The following PTPN13 variants were observed in gnomAD, a reference collection of about 807,000 sequenced individuals.
The protein encoded by PTPN13 is protein tyrosine phosphatase non-receptor type 13, also known as tyrosine-protein phosphatase non-receptor type 13.
PTPN13 carries 191 observed loss-of-function variants against 284.0 expected under a neutral mutation model. The observed-to-expected ratio is 0.67, with a 90% CI of 0.60 to 0.76. PTPN13 has a LOEUF of 0.76. PTPN13 is among the 30% of genes least tolerant of loss of function. PTPN13 has a pLI of 0.00. For synonymous variants in PTPN13, 986 were observed against 1,022.3 expected (o/e 0.96, Z 0.68); for missense variants, 2,797 against 2,939.9 (o/e 0.95, Z 1.12).
rs1319716649 is a variant in PTPN13, at chr4:86,713,347, G to C, written c.1196-3183G>C. Among the ~76,000 whole-genome samples, 4 of 152,144 alleles carry C rather than the reference G, an allele frequency of 2.6e-5. No individual in the cohort carries two copies. In the East Asian group the frequency reaches 5.8e-4, roughly 22 times the overall value. On this transcript the variant is annotated intron_variant, in intron 7 of 47. Coordinates refer to ENST00000411767, the MANE Select transcript of PTPN13 (RefSeq NM_080683.3). Reference sequence around the variant, plus strand: ...ACTTTGGTGTTCCTTGAAAATGGCAGTTCCTCTTAAGTAAAAATATAACTT... The same window carrying C: ...ACTTTGGTGTTCCTTGAAAATGGCACTTCCTCTTAAGTAAAAATATAACTT...
intron 40 of PTPN13, among the ~76,000 whole-genome samples, chr4:86,788,563 T>C (rs1227436108): frequency 6.6e-6 from 1 of 152,246 alleles, no homozygotes; most frequent in Non-Finnish European, 1.5e-5. Context: ...ACATTCATTG[T>C]ATTTCTTATT....
intron 23 of PTPN13, among the ~76,000 whole-genome samples, chr4:86,760,951 T>C (rs527238346): frequency 3.8e-4 from 58 of 151,794 alleles, no homozygotes; most frequent in Non-Finnish European, 7.4e-4. Context: ...GGCTTTTAGT[T>C]TTGTTTTTGT....
At chr4:86,703,480 A>G (rs1302004427) in intron 7 of PTPN13, among the ~76,000 whole-genome samples, 4 of 151,926 alleles carry the variant, frequency 2.6e-5, no homozygotes, top group Non-Finnish European at 5.9e-5. Flanking sequence ...TAAAACCATT[A>G]TAGTTTTGAA....
At chr4:86,757,762 C>CAAAATAAAAAAAAAAAAAA (rs1738142640) in intron 20 of PTPN13, among the ~76,000 whole-genome samples, 1 of 112,520 alleles carries the variant, frequency 8.9e-6, no homozygotes, top group African/African-American at 3.5e-5. Context: ...GACTCTGTCT[C>CAAAATAAAAAAAAAAAAAA]AAAAAAAAAA....
chr4:86,626,635 C>CT lies in PTPN13; in HGVS notation c.-5-8616dup, dbSNP rs540569143. Among the ~76,000 whole-genome samples the CT allele has an allele frequency of 1.0e-3, 157 of 152,186 alleles. 1 individual carries two copies. The highest frequency in any genetic ancestry group is 3.7e-3 in the African/African-American group (154 of 41,528). On this transcript the variant is annotated intron_variant, in intron 1 of 47. Coordinates refer to ENST00000411767, the MANE Select transcript of PTPN13 (RefSeq NM_080683.3). The stretch of plus-strand genomic sequence containing the variant: ...TTTTATTAGTGAGAGTGCAAAGATG[C>CT]TGGAACTCTTTGCATTGTTGGTGGG...
At chr4:86,717,909 A>G (rs1204630435) in intron 9 of PTPN13, among the ~76,000 whole-genome samples, 4 of 151,064 alleles carry the variant, frequency 2.6e-5, no homozygotes, top group African/African-American at 9.9e-5. Flanking sequence ...GTTATGTGGT[A>G]CTTTTTTTTA....
chr4:86,622,613 AT>A (rs1052506680), intron 1 of PTPN13, among the ~76,000 whole-genome samples: 67 of 152,306 alleles, frequency 4.4e-4, no homozygotes, highest in African/African-American at 1.5e-3. Context: ...ATTTCAACAA[AT>A]GCTATTTAAA....
At chr4:86,717,266 G>T in intron 9 of PTPN13, 149 bp downstream of exon 9, 1 of 574,642 alleles carries the variant, frequency 1.7e-6, no homozygotes, top group Non-Finnish European at 3.0e-6. Context: ...TCGGCTCACT[G>T]CAACCTCCTT....
chr4:86,745,455 A>G (rs879910973), intron 17 of PTPN13, among the ~76,000 whole-genome samples: 11 of 152,208 alleles, frequency 7.2e-5, no homozygotes, highest in Admixed American at 3.9e-4. Flanking sequence ...TAAGACCAAC[A>G]TGCTTGAAAC....
At chr4:86,752,472 G>A (rs926454032) in intron 19 of PTPN13, among the ~76,000 whole-genome samples, 2 of 152,096 alleles carry the variant, frequency 1.3e-5, no homozygotes, top group African/African-American at 4.8e-5. Flanking sequence ...AGGTAACTCT[G>A]TGTTGAAAAT....
At chr4:86,610,107 G>T (rs1765134678) in intron 1 of PTPN13, among the ~76,000 whole-genome samples, 1 of 152,030 alleles carries the variant, frequency 6.6e-6, no homozygotes. Flanking sequence ...CCAGCTACTT[G>T]GGAGGCTGAG....
At chr4:86,771,568 A>G in intron 31 of PTPN13, 33 bp downstream of exon 31, 1 of 1,517,492 alleles carries the variant, frequency 6.6e-7, no homozygotes, top group Admixed American at 2.1e-5. Context: ...CGCTCAAAGC[A>G]ACTGGTTGTT....
In PTPN13 at chr4:86,797,075, C is replaced by T. The variant is rs531116366; in HGVS notation, c.6401+146C>T. The T allele has an allele frequency of 2.5e-4, 150 of 609,898 alleles. No homozygotes were observed. The African/African-American group carries it at 2.7e-3, about 11-fold the overall frequency. The allele number at this position is 609,898 out of a possible 1,614,324, so 37.8% of individuals were successfully genotyped here. A position where few individuals can be genotyped will look rare whatever the true frequency, so the allele number is the denominator to read the frequency against. On this transcript the variant is annotated intron_variant, in intron 41 of 47. Transcript: ENST00000411767. Reference sequence around the variant, plus strand: ...GAATATTAAGAATTTTTAAAATTTTCGGGCCAGGTGCGGTGGCTCATGCCT... The same window carrying T: ...GAATATTAAGAATTTTTAAAATTTTTGGGCCAGGTGCGGTGGCTCATGCCT...
intron 2 of PTPN13, among the ~76,000 whole-genome samples, chr4:86,652,933 T>C (rs1291946358): frequency 6.6e-6 from 1 of 151,970 alleles, no homozygotes; most frequent in Non-Finnish European, 1.5e-5. Context: ...TTATTCTTTT[T>C]TATTCTTTCT....
chr4:86,632,868 G>A (rs148497234), intron 1 of PTPN13, among the ~76,000 whole-genome samples: 1,727 of 152,152 alleles, frequency 0.011, 9 homozygotes, highest in Non-Finnish European at 0.013. Flanking sequence ...GAGTACAGAA[G>A]CATGATCATA....
chr4:86,795,947 G>A (rs536147200), intron 40 of PTPN13, among the ~76,000 whole-genome samples: 1 of 152,140 alleles, frequency 6.6e-6, no homozygotes, highest in East Asian at 1.9e-4. Flanking sequence ...TAAATGATGA[G>A]TTGATGGGTA....
chr4:86,645,427 C>T (rs1724311528), intron 2 of PTPN13, among the ~76,000 whole-genome samples: 1 of 151,992 alleles, frequency 6.6e-6, no homozygotes, highest in Admixed American at 6.5e-5. Flanking sequence ...TAGAAAAAAG[C>T]AGAACTGTTT....
At chr4:86,754,885 A>G (rs1737794514) in intron 20 of PTPN13, among the ~76,000 whole-genome samples, 1 of 152,078 alleles carries the variant, frequency 6.6e-6, no homozygotes, top group Non-Finnish European at 1.5e-5. Context: ...ATATAGAGGT[A>G]TGCCTCAGTT....
At chr4:86,649,940 A>G (rs1724883981) in intron 2 of PTPN13, among the ~76,000 whole-genome samples, 1 of 152,170 alleles carries the variant, frequency 6.6e-6, no homozygotes, top group Non-Finnish European at 1.5e-5. Flanking sequence ...AACATGGAAT[A>G]TCTTTCCATT....
Sources: gnomAD v4.1 joint callset for allele counts (sites outside exome capture counted in the v4.1 genomes callset) on GRCh38, gnomAD v4.1.1 for gene constraint, MANE v1.5 for transcripts, NCBI Gene and HGNC (gene_info 2026-07-23, HGNC 2026-07-21) for gene names.